EIF4G3: variants seen among roughly 807,000 people sequenced by gnomAD.
EIF4G3 encodes eukaryotic translation initiation factor 4 gamma 3.
EIF4G3 carries 34 observed loss-of-function variants against 186.4 expected under a neutral mutation model. That is an observed-to-expected ratio of 0.18 (90% CI 0.14 to 0.24). The LOEUF is 0.24. Ranked by LOEUF, EIF4G3 falls within the 10% of genes least tolerant of loss-of-function variation. The pLI is 1.00. For synonymous variants in EIF4G3, 673 were observed against 679.5 expected (o/e 0.99, Z 0.15); for missense variants, 1,536 against 1,948.5 (o/e 0.79, Z 3.99).
At chr1:21,048,938 G>A (rs992441264) in intron 4 of EIF4G3, among the ~76,000 whole-genome samples, 2 of 152,108 alleles carry the variant, frequency 1.3e-5, no homozygotes, top group African/African-American at 2.4e-5. Flanking sequence ...CACCTTAACC[G>A]ACTACAGAGT....
chr1:20,941,138 T>A (rs2095695588), intron 14 of EIF4G3: 2 of 1,303,400 alleles, frequency 1.5e-6, no homozygotes, highest in Non-Finnish European at 2.1e-6. Flanking sequence ...CTATAGACCA[T>A]CCTGGTTTTT....
At chr1:21,103,973 T>A (rs2096571194) in intron 2 of EIF4G3, among the ~76,000 whole-genome samples, 1 of 152,230 alleles carries the variant, frequency 6.6e-6, no homozygotes, top group Admixed American at 6.5e-5. Flanking sequence ...GGGTTCCATT[T>A]CTAACGTTAT....
chr1:20,831,614 T>C (rs1312227164), intron 30 of EIF4G3, among the ~76,000 whole-genome samples: 1 of 151,262 alleles, frequency 6.6e-6, no homozygotes, highest in Non-Finnish European at 1.5e-5. Context: ...ACTTTTTCTT[T>C]TTTTTTTTTA....
chr1:20,897,331 T>C (rs1273717475), intron 16 of EIF4G3, among the ~76,000 whole-genome samples: 1 of 150,426 alleles, frequency 6.6e-6, no homozygotes, highest in South Asian at 2.1e-4. Flanking sequence ...CTTAAATAAC[T>C]AAGAAATAAG....
chr1:21,074,866 G>C (rs1228081310), intron 3 of EIF4G3, among the ~76,000 whole-genome samples: 1 of 152,172 alleles, frequency 6.6e-6, no homozygotes, highest in African/African-American at 2.4e-5. Flanking sequence ...CTTGAGCCCA[G>C]GAGTTCGAGA....
At chr1:20,879,246 C>T in intron 20 of EIF4G3, 77 bp downstream of exon 20, 1 of 1,185,224 alleles carries the variant, frequency 8.4e-7, no homozygotes, top group Non-Finnish European at 1.1e-6. Context: ...CCCAATAACA[C>T]TTCTGGGAAG....
chr1:21,067,368 G>A (rs1006799982), intron 3 of EIF4G3, among the ~76,000 whole-genome samples: 4 of 152,068 alleles, frequency 2.6e-5, no homozygotes, highest in South Asian at 4.1e-4. Flanking sequence ...CCCAACCTCA[G>A]GTGATCTGCC....
At chr1:20,916,783 A>G (rs985473354) in intron 14 of EIF4G3, among the ~76,000 whole-genome samples, 2 of 152,218 alleles carry the variant, frequency 1.3e-5, no homozygotes, top group Non-Finnish European at 2.9e-5. Flanking sequence ...TGAAAAAAAT[A>G]GAGAATCCAT....
intron 2 of EIF4G3, among the ~76,000 whole-genome samples, chr1:21,126,361 A>C (rs1221009211): frequency 6.6e-6 from 1 of 152,096 alleles, no homozygotes; most frequent in Non-Finnish European, 1.5e-5. Context: ...TAAAGTATTG[A>C]TTCTTAAGCT....
At chr1:20,809,051 G>T (rs2058708798) in intron 36 of EIF4G3, among the ~76,000 whole-genome samples, 1 of 151,418 alleles carries the variant, frequency 6.6e-6, no homozygotes, top group African/African-American at 2.4e-5. Flanking sequence ...TCGGCTCATT[G>T]CAACCACCGC....
intron 20 of EIF4G3, among the ~76,000 whole-genome samples, chr1:20,866,393 C>T (rs1463761816): frequency 6.6e-6 from 1 of 152,148 alleles, no homozygotes; most frequent in Non-Finnish European, 1.5e-5. Context: ...TAATAATCAA[C>T]CATGTGTTAC....
At chr1:20,904,798 A>C in intron 15 of EIF4G3, 85 bp downstream of exon 15, 1 of 915,448 alleles carries the variant, frequency 1.1e-6, no homozygotes. Context: ...TGCTTGGAAA[A>C]CTATTTCAAT....
intron 2 of EIF4G3, among the ~76,000 whole-genome samples, chr1:21,108,290 C>T (rs2096652311): frequency 1.3e-5 from 2 of 152,146 alleles, no homozygotes; most frequent in South Asian, 4.1e-4. Context: ...AACAGATGTA[C>T]AATCAACCCT....
intron 4 of EIF4G3, among the ~76,000 whole-genome samples, chr1:21,049,269 C>T (rs2094076361): frequency 1.3e-5 from 2 of 152,208 alleles, no homozygotes; most frequent in South Asian, 4.1e-4. Flanking sequence ...CTACCACAGC[C>T]TTTGGCTCAA....
chr1:20,998,464 A>C (rs1170810689), intron 6 of EIF4G3, among the ~76,000 whole-genome samples: 1 of 152,170 alleles, frequency 6.6e-6, no homozygotes, highest in Non-Finnish European at 1.5e-5. Flanking sequence ...AGAATAAAGC[A>C]CAAAGAAATG....
intron 4 of EIF4G3, among the ~76,000 whole-genome samples, chr1:21,033,254 G>A (rs1391919018): frequency 6.6e-6 from 1 of 152,060 alleles, no homozygotes; most frequent in Non-Finnish European, 1.5e-5. Context: ...AATACGGTAA[G>A]AGTCAAACTA....
intron 18 of EIF4G3, among the ~76,000 whole-genome samples, chr1:20,891,679 C>T (rs1156907897): frequency 6.7e-6 from 1 of 149,486 alleles, no homozygotes; most frequent in Non-Finnish European, 1.5e-5. Context: ...CCCAGCTACT[C>T]GGGAGGCCAA....
At chr1:21,043,819 A>G (rs1465572162) in intron 4 of EIF4G3, among the ~76,000 whole-genome samples, 1 of 150,604 alleles carries the variant, frequency 6.6e-6, no homozygotes, top group Non-Finnish European at 1.5e-5. Context: ...GACTGCAGTG[A>G]GCAGAAAACA....
At chr1:20,893,400 T>C in intron 18 of EIF4G3, 117 bp downstream of exon 18, 6 of 835,278 alleles carry the variant, frequency 7.2e-6, no homozygotes, top group Non-Finnish European at 1.0e-5. Flanking sequence ...TCTTTGCCTC[T>C]TCTTCTTCTT....
Sources: gnomAD v4.1 joint callset for allele counts (sites outside exome capture counted in the v4.1 genomes callset) on GRCh38, gnomAD v4.1.1 for gene constraint, MANE v1.5 for transcripts, NCBI Gene and HGNC (gene_info 2026-07-23, HGNC 2026-07-21) for gene names.